FSTL5: variants seen among roughly 807,000 people sequenced by gnomAD.
The protein encoded by FSTL5 is follistatin like 5, also known as follistatin-related protein 5.
FSTL5 carries 62 observed loss-of-function variants against 89.1 expected under a neutral mutation model. That is an observed-to-expected ratio of 0.70 (90% CI 0.57 to 0.86). FSTL5 has a LOEUF of 0.86. Among genes scored for constraint, FSTL5 ranks in the 40% least tolerant of loss-of-function variants. FSTL5 has a pLI of 0.00. For missense variants in FSTL5, 1,057 were observed against 1,001.6 expected (o/e 1.06, Z -0.75); for synonymous variants, 383 against 346.2 (o/e 1.11, Z -1.18).
At chr4:161,715,044 G>T (rs1287750946) in intron 6 of FSTL5, among the ~76,000 whole-genome samples, 58 of 151,820 alleles carry the variant, frequency 3.8e-4, no homozygotes, top group Non-Finnish European at 5.9e-5. Flanking sequence ...AATAATTTTT[G>T]ATTATTTAAA....
intron 6 of FSTL5, among the ~76,000 whole-genome samples, chr4:161,719,706 A>AT (rs71598729): frequency 0.11 from 16,682 of 151,736 alleles, 937 homozygotes; most frequent in Middle Eastern, 0.17. Context: ...TCCTTGGTTA[A>AT]TTTTTTTTAT....
chr4:161,980,958 A>G (rs1224753419), intron 3 of FSTL5, among the ~76,000 whole-genome samples: 1 of 151,640 alleles, frequency 6.6e-6, no homozygotes, highest in Non-Finnish European at 1.5e-5. Context: ...ACGGGGTTTC[A>G]CATATTGGCC....
chr4:161,704,159 G>A lies in FSTL5; in HGVS notation c.728-47665C>T, dbSNP rs968209982. Reference sequence around the variant, plus strand: ...TGCATATCTAATTGCCTTCTTTGGCGAGGCTAATCAGAAACTCACAAAAGC... The same window carrying A: ...TGCATATCTAATTGCCTTCTTTGGCAAGGCTAATCAGAAACTCACAAAAGC... On this transcript the variant is annotated intron_variant, in intron 6 of 15. Transcript: ENST00000306100. Among the ~76,000 whole-genome samples, 10 of 151,978 alleles carry A rather than the reference G, an allele frequency of 6.6e-5. 2 individuals are homozygous for A. Among genetic ancestry groups the A allele is most frequent in the Admixed American group, 4.6e-4 (7 of 15,222 alleles).
rs536357759 is a variant in FSTL5, at chr4:161,639,791, C to G, written c.894+16537G>C. Among the ~76,000 whole-genome samples, 13 of 152,222 alleles carry G rather than the reference C, an allele frequency of 8.5e-5. No homozygotes were observed. The East Asian group carries it at 2.5e-3, about 30-fold the overall frequency. On this transcript the variant is annotated intron_variant, in intron 7 of 15. Coordinates refer to ENST00000306100, the MANE Select transcript of FSTL5 (RefSeq NM_020116.5). ...GGAGCCATGGCTGGGAAAGGGGATC[C>G]TGTCATTGAAATATTGGGGATTTGT...
intron 4 of FSTL5, among the ~76,000 whole-genome samples, chr4:161,828,185 G>C (rs367963214): frequency 6.2e-4 from 95 of 152,294 alleles, no homozygotes; most frequent in African/African-American, 1.9e-3. Context: ...AATTGTCTCA[G>C]CTCCTGGTAA....
intron 3 of FSTL5, among the ~76,000 whole-genome samples, chr4:161,967,878 T>A (rs1364287471): frequency 6.6e-6 from 1 of 152,094 alleles, no homozygotes; most frequent in Admixed American, 6.6e-5. Context: ...TGTCTCAATA[T>A]AACTTACAAA....
intron 2 of FSTL5, among the ~76,000 whole-genome samples, chr4:162,084,283 C>A (rs1730219061): frequency 6.6e-6 from 1 of 151,672 alleles, no homozygotes; most frequent in Non-Finnish European, 1.5e-5. Flanking sequence ...AGTATCATCA[C>A]CTGGAGTCAG....
chr4:161,556,202 C>T (rs1732386123), intron 8 of FSTL5, among the ~76,000 whole-genome samples: 2 of 151,354 alleles, frequency 1.3e-5, no homozygotes, highest in South Asian at 4.1e-4. Flanking sequence ...TATATATACC[C>T]TGTAAATAGC....
chr4:161,835,638 G>A (rs1257142488), intron 4 of FSTL5, among the ~76,000 whole-genome samples: 2 of 151,930 alleles, frequency 1.3e-5, no homozygotes, highest in Admixed American at 6.6e-5. Context: ...CAAAAAGTGG[G>A]TGAAGGACAT....
At chr4:161,978,651 A>G (rs1247753058) in intron 3 of FSTL5, among the ~76,000 whole-genome samples, 1 of 152,128 alleles carries the variant, frequency 6.6e-6, no homozygotes, top group Non-Finnish European at 1.5e-5. Context: ...ATTCATATTG[A>G]TTTAACAATA....
chr4:161,793,898 T>A (rs1488432925), intron 4 of FSTL5, among the ~76,000 whole-genome samples: 4 of 152,164 alleles, frequency 2.6e-5, no homozygotes, highest in African/African-American at 9.7e-5. Flanking sequence ...TGTGAGCCAC[T>A]GTGCCTGGCC....
intron 15 of FSTL5, among the ~76,000 whole-genome samples, chr4:161,421,029 T>C (rs1410010704): frequency 6.6e-6 from 1 of 152,060 alleles, no homozygotes; most frequent in Non-Finnish European, 1.5e-5. Flanking sequence ...TTACAGACAG[T>C]GTAAATGTTA....
At chr4:162,034,866 T>C (rs1737670747) in intron 2 of FSTL5, among the ~76,000 whole-genome samples, 1 of 152,182 alleles carries the variant, frequency 6.6e-6, no homozygotes, top group African/African-American at 2.4e-5. Flanking sequence ...AACTTAGTGA[T>C]ATAATTCTGT....
At chr4:161,959,553 A>G (rs1307448393) in intron 3 of FSTL5, among the ~76,000 whole-genome samples, 1 of 152,080 alleles carries the variant, frequency 6.6e-6, no homozygotes, top group African/African-American at 2.4e-5. Context: ...GATAATGGTA[A>G]TGATAGCAGG....
chr4:161,559,974 A>C (rs7694615), intron 8 of FSTL5, among the ~76,000 whole-genome samples: 4 of 151,568 alleles, frequency 2.6e-5, no homozygotes, highest in Non-Finnish European at 5.9e-5. Context: ...GGCCACATGC[A>C]ACCCAAGACA....
chr4:161,754,844 T>C (rs1454161783), intron 6 of FSTL5, among the ~76,000 whole-genome samples: 3 of 152,180 alleles, frequency 2.0e-5, no homozygotes, highest in Non-Finnish European at 2.9e-5. Context: ...AGAAGTATAG[T>C]ATTCCATGCA....
At chr4:161,987,729 C>T (rs964206411) in intron 3 of FSTL5, among the ~76,000 whole-genome samples, 4 of 150,752 alleles carry the variant, frequency 2.7e-5, no homozygotes, top group South Asian at 2.1e-4. Context: ...CATTCTTTAC[C>T]GAATGACTGT....
chr4:161,732,770 T>C (rs116218848), intron 6 of FSTL5, among the ~76,000 whole-genome samples: 314 of 152,106 alleles, frequency 2.1e-3, no homozygotes, highest in African/African-American at 7.1e-3. Flanking sequence ...TTCCTCATTA[T>C]ATGGTCTTCA....
chr4:161,823,501 A>C (rs989529035), intron 4 of FSTL5, among the ~76,000 whole-genome samples: 5 of 152,168 alleles, frequency 3.3e-5, no homozygotes, highest in Non-Finnish European at 5.9e-5. Flanking sequence ...ACTTTGCTCC[A>C]CACCAGAGCA....
Sources: gnomAD v4.1 joint callset for allele counts (sites outside exome capture counted in the v4.1 genomes callset) on GRCh38, gnomAD v4.1.1 for gene constraint, MANE v1.5 for transcripts, NCBI Gene and HGNC (gene_info 2026-07-23, HGNC 2026-07-21) for gene names.